Variants in AGBL1 observed in about 807,000 individuals in gnomAD.
AGBL1 encodes AGBL carboxypeptidase 1.
AGBL1 carries 130 observed loss-of-function variants against 118.9 expected under a neutral mutation model. The observed-to-expected ratio is 1.09, with a 90% confidence interval of 0.95 to 1.26. The LOEUF (loss-of-function observed/expected upper bound fraction) is 1.26. Ranked by LOEUF, AGBL1 falls within the 50% of genes most tolerant of loss-of-function variation. The probability of loss-of-function intolerance (pLI) is 0.00; values close to 1 mark genes in which losing one functional copy is unlikely to be tolerated. For synonymous variants in AGBL1, 555 were observed against 478.9 expected, an observed-to-expected ratio of 1.16 and a Z score of -2.08; for missense variants, 1,584 against 1,298.1, an observed-to-expected ratio of 1.22 and a Z score of -3.38.
At chr15:86,462,297 A>G (rs2082343918) in intron 18 of AGBL1, among the ~76,000 whole-genome samples, 1 of 151,896 alleles carries the variant, frequency 6.6e-6, no homozygotes, top group African/African-American at 2.4e-5. Flanking sequence ...TGACGTCCTT[A>G]GTAGCATCTG....
chr15:86,140,891 A>G (rs1424402280), intron 1 of AGBL1, among the ~76,000 whole-genome samples: 2 of 152,260 alleles, frequency 1.3e-5, no homozygotes, highest in African/African-American at 4.8e-5. Context: ...AGCTGAAGAC[A>G]TAAGAAGGAC....
At chr15:86,885,182 G>A (rs1312958943) in intron 22 of AGBL1, among the ~76,000 whole-genome samples, 1 of 151,980 alleles carries the variant, frequency 6.6e-6, no homozygotes, top group Non-Finnish European at 1.5e-5. Flanking sequence ...GTTTTGTTAA[G>A]TATATTAATT....
intron 22 of AGBL1, among the ~76,000 whole-genome samples, chr15:86,839,502 C>T (rs919565691): frequency 1.3e-5 from 2 of 152,138 alleles, no homozygotes; most frequent in Non-Finnish European, 2.9e-5. Context: ...ATTTGCTGTC[C>T]ATATGTAGCA....
chr15:86,425,971 C>G (rs75432798), intron 18 of AGBL1, among the ~76,000 whole-genome samples: 8 of 151,866 alleles, frequency 5.3e-5, no homozygotes, highest in Admixed American at 1.3e-4. Context: ...AAATAACACA[C>G]AGATAATTCA....
At chr15:86,458,255 CA>C (rs2082284930) in intron 18 of AGBL1, among the ~76,000 whole-genome samples, 1 of 151,662 alleles carries the variant, frequency 6.6e-6, no homozygotes, top group Non-Finnish European at 1.5e-5. Flanking sequence ...AAGTAGACTA[CA>C]AAATAAAAAT....
In AGBL1 at chr15:86,522,878, C is replaced by A; in HGVS notation, c.2624C>A (p.Pro875Gln). The A allele has an allele frequency of 6.2e-7, 1 of 1,613,960 alleles. No homozygotes were observed. The highest frequency in any genetic ancestry group is 8.5e-7 in the Non-Finnish European group (1 of 1,179,824). The part of the protein sequence containing the change: ...QWLSPSAHLQ[P>Q]TIYHAKGLLY... ...CTTTCTCCCAGTGCTCATCTGCAGC[C>A]AACCATTTACCATGCCAAAGGCCTC... The change falls in exon 19 of 23, where the codon CCA (proline) becomes CAA (glutamine). Residue 875 changes from proline to glutamine, a missense_variant. By Grantham distance (76) the Pro-to-Gln change is moderately conservative. Transcript: ENST00000614907.
At chr15:86,391,242 A>G (rs1328130201) in intron 17 of AGBL1, among the ~76,000 whole-genome samples, 1 of 152,102 alleles carries the variant, frequency 6.6e-6, no homozygotes, top group Admixed American at 6.5e-5. Flanking sequence ...CTAATAAAAA[A>G]GATAGAAACA....
chr15:86,909,765 A>G lies in AGBL1; in HGVS notation c.*2471A>G, dbSNP rs577231423. The G allele has an allele frequency of 6.6e-6, 1 of 152,324 alleles. No individual in the cohort carries two copies. Among genetic ancestry groups the G allele is most frequent in the South Asian group, 2.1e-4 (1 of 4,822 alleles). The allele number at this position is 152,324 out of a possible 1,614,324, so 9.4% of individuals were successfully genotyped here. A position where few individuals can be genotyped will look rare whatever the true frequency, so the allele number is the denominator to read the frequency against. On this transcript the variant is annotated 3_prime_UTR_variant, in exon 23 of 23. Transcript: ENST00000614907. ...AGATAATATTGAAATGTAATTGCTGAGAGAGGTGGGAATGATGCTAGCTTA... is the reference window on the plus strand; with the variant it reads ...AGATAATATTGAAATGTAATTGCTGGGAGAGGTGGGAATGATGCTAGCTTA...
chr15:86,722,575 G>T (rs1029883638), intron 22 of AGBL1, among the ~76,000 whole-genome samples: 1 of 152,140 alleles, frequency 6.6e-6, no homozygotes, highest in Non-Finnish European at 1.5e-5. Flanking sequence ...CCTAGGCAAT[G>T]CCATTCAGGA....
chr15:86,965,899 T>C (rs1393145604), intron 23 of AGBL1, among the ~76,000 whole-genome samples: 2 of 151,988 alleles, frequency 1.3e-5, no homozygotes, highest in African/African-American at 2.4e-5. Context: ...AAATACCTAA[T>C]GTAGATGACG....
intron 22 of AGBL1, among the ~76,000 whole-genome samples, chr15:86,880,982 G>T (rs915987410): frequency 1.2e-4 from 19 of 152,102 alleles, no homozygotes; most frequent in African/African-American, 4.6e-4. Flanking sequence ...TGCACACCCA[G>T]CCCTGAGCCT....
intron 18 of AGBL1, among the ~76,000 whole-genome samples, chr15:86,505,174 A>G (rs149786430): frequency 1.3e-5 from 2 of 151,952 alleles, no homozygotes; most frequent in African/African-American, 2.4e-5. Flanking sequence ...TCTGTCTTGT[A>G]GCTTTCAAAA....
intron 22 of AGBL1, among the ~76,000 whole-genome samples, chr15:86,677,868 T>C (rs1427292936): frequency 6.6e-6 from 1 of 152,212 alleles, no homozygotes; most frequent in East Asian, 1.9e-4. Flanking sequence ...ATTTTGTTCT[T>C]TTGAATGAGA....
intron 1 of AGBL1, among the ~76,000 whole-genome samples, chr15:86,139,682 A>G (rs1031015672): frequency 6.6e-6 from 1 of 152,180 alleles, no homozygotes; most frequent in African/African-American, 2.4e-5. Flanking sequence ...TTCTCAGAAT[A>G]GGAGTTAGAA....
chr15:86,905,177 C>T (rs923208597), intron 22 of AGBL1, among the ~76,000 whole-genome samples: 1 of 145,438 alleles, frequency 6.9e-6, no homozygotes, highest in African/African-American at 2.8e-5. Context: ...TCTGGTATGT[C>T]TAAATGATCA....
In AGBL1 at chr15:86,340,478, C is replaced by T. The variant is rs1407307089; in HGVS notation, c.2374+45070C>T. On this transcript the variant is annotated intron_variant, in intron 17 of 22. Coordinates refer to ENST00000614907, the MANE Select transcript of AGBL1 (RefSeq NM_001386094.1). Reference sequence around the variant, plus strand: ...GGATACAAAAAGACACAGGGAAGGACATGTGAATGCAGAGCCCAAGATTAG... The same window carrying T: ...GGATACAAAAAGACACAGGGAAGGATATGTGAATGCAGAGCCCAAGATTAG... Among the ~76,000 whole-genome samples, 6 of 152,122 alleles carry T rather than the reference C, an allele frequency of 3.9e-5. No individual in the cohort carries two copies. In the East Asian group the frequency reaches 1.2e-3, roughly 29 times the overall value.
At chr15:86,177,406 A>G (rs2077495848) in intron 5 of AGBL1, among the ~76,000 whole-genome samples, 1 of 152,214 alleles carries the variant, frequency 6.6e-6, no homozygotes, top group Non-Finnish European at 1.5e-5. Flanking sequence ...GAAAATCAGT[A>G]AGAATATAGA....
chr15:86,221,099 G>C lies in AGBL1; in HGVS notation c.489-3815G>C, dbSNP rs2078273584. On this transcript the variant is annotated intron_variant, in intron 5 of 22. Coordinates refer to ENST00000614907, the MANE Select transcript of AGBL1 (RefSeq NM_001386094.1). ...TGTAATCCCAGCTACCTGGGAGGCTGAATCAGGAGACTCACTCGAACCCAA... is the reference window on the plus strand; with the variant it reads ...TGTAATCCCAGCTACCTGGGAGGCTCAATCAGGAGACTCACTCGAACCCAA... Among the ~76,000 whole-genome samples, 5 of 152,246 alleles carry C rather than the reference G, an allele frequency of 3.3e-5. No homozygotes were observed. In the South Asian group the frequency reaches 1.0e-3, roughly 32 times the overall value.
chr15:86,538,803 A>C (rs76522211), intron 19 of AGBL1, among the ~76,000 whole-genome samples: 4,968 of 152,330 alleles, frequency 0.033, 136 homozygotes, highest in East Asian at 0.12. Flanking sequence ...AATCAGGAAT[A>C]GGTGAGCCCT....
Sources: allele counts gnomAD v4.1 joint callset (sites outside exome capture counted in the v4.1 genomes callset), GRCh38; gene constraint gnomAD v4.1.1; transcripts MANE v1.5; gene names NCBI Gene and HGNC (gene_info 2026-07-23, HGNC 2026-07-21).